NAV3: variants seen among roughly 807,000 people sequenced by gnomAD.
NAV3 encodes pore membrane and/or filament interacting like protein 1.
In NAV3, 87 loss-of-function variants were observed where a neutral mutation model predicts 244.7. The observed-to-expected ratio is 0.36, with a 90% confidence interval of 0.30 to 0.42. The LOEUF (loss-of-function observed/expected upper bound fraction) is 0.42, where lower values mean the gene tolerates loss of function less well. Ranked by LOEUF, NAV3 falls within the 20% of genes least tolerant of loss-of-function variation. The pLI, the probability that NAV3 is intolerant of heterozygous loss-of-function variation, is 1.00. For synonymous variants in NAV3, 1,126 were observed against 1,042.2 expected (o/e 1.08, Z -1.55); for missense variants, 2,663 against 2,893.3 (o/e 0.92, Z 1.83).
intron 2 of NAV3, among the ~76,000 whole-genome samples, chr12:77,742,025 A>T (rs11106497): frequency 0.4 from 60,055 of 151,866 alleles, 13,697 homozygotes; most frequent in East Asian, 0.8. Context: ...GATTATTAGC[A>T]TTTTCTTTAA....
chr12:77,657,988 C>CATACTGACAAACCAATATCA (rs2137020824), intron 2 of NAV3, among the ~76,000 whole-genome samples: 2 of 152,174 alleles, frequency 1.3e-5, no homozygotes, highest in African/African-American at 4.8e-5. Flanking sequence ...ATGACAAACC[C>CATACTGACAAACCAATATCA]ACAGCCAATA....
chr12:78,078,208 C>A (rs1953151037), intron 12 of NAV3, among the ~76,000 whole-genome samples: 1 of 152,168 alleles, frequency 6.6e-6, no homozygotes, highest in South Asian at 2.1e-4. Context: ...GACCCTATCT[C>A]CAAGTAAGGT....
chr12:77,833,065 C>T (rs1384179178), intron 1 of NAV3, among the ~76,000 whole-genome samples: 3 of 152,194 alleles, frequency 2.0e-5, no homozygotes, highest in Non-Finnish European at 4.4e-5. Flanking sequence ...ATCCCAGATC[C>T]AACTTTATTC....
At chr12:77,871,470 A>G (rs762161139) in intron 1 of NAV3, among the ~76,000 whole-genome samples, 14 of 152,034 alleles carry the variant, frequency 9.2e-5, no homozygotes, top group Non-Finnish European at 1.6e-4. Flanking sequence ...CAGGTGTGCA[A>G]TGTTCCCCTC....
chr12:78,011,384 A>G (rs1206227878), intron 8 of NAV3, among the ~76,000 whole-genome samples: 2 of 152,166 alleles, frequency 1.3e-5, no homozygotes, highest in Non-Finnish European at 2.9e-5. Context: ...TAGTAAGAAC[A>G]ATATCATCAA....
chr12:77,727,428 CA>C (rs998796376), intron 2 of NAV3, among the ~76,000 whole-genome samples: 13 of 148,356 alleles, frequency 8.8e-5, no homozygotes, highest in African/African-American at 3.4e-4. Flanking sequence ...TTAAGAGGAA[CA>C]ATTTTTTTTT....
intron 39 of NAV3, among the ~76,000 whole-genome samples, chr12:78,206,534 A>G (rs1249713123): frequency 1.3e-5 from 2 of 151,992 alleles, no homozygotes; most frequent in African/African-American, 2.4e-5. Context: ...AGAGTATGAA[A>G]CCCTTAGGAA....
At chr12:77,741,148 C>CAAA in intron 2 of NAV3, among the ~76,000 whole-genome samples, 869 of 68,612 alleles carry the variant, frequency 0.013, 32 homozygotes, top group East Asian at 0.046. Context: ...AAAAAAAAGA[C>CAAA]AAAAAAAAAA....
intron 1 of NAV3, among the ~76,000 whole-genome samples, chr12:77,869,057 A>G (rs568750929): frequency 1.3e-5 from 2 of 152,026 alleles, no homozygotes; most frequent in Non-Finnish European, 2.9e-5. Context: ...AAACAAACAA[A>G]CAAACAAACA....
chr12:77,664,934 A>G (rs1310135998), intron 2 of NAV3, among the ~76,000 whole-genome samples: 2 of 152,188 alleles, frequency 1.3e-5, no homozygotes, highest in East Asian at 3.9e-4. Flanking sequence ...TCTAAGAGAC[A>G]AGGTCTTGTG....
intron 6 of NAV3, 92 bp from the exon 7 acceptor site, chr12:77,998,245 C>T: frequency 1.1e-6 from 1 of 904,970 alleles, no homozygotes; most frequent in Non-Finnish European, 1.6e-6. Flanking sequence ...TTTAGAACAT[C>T]ATATGTTGTA....
At chr12:77,716,384 A>G (rs1876362546) in intron 2 of NAV3, among the ~76,000 whole-genome samples, 1 of 151,886 alleles carries the variant, frequency 6.6e-6, no homozygotes, top group Non-Finnish European at 1.5e-5. Context: ...AGAAACTCAC[A>G]GAGTTTTAAG....
chr12:77,795,323 C>G (rs1280387870), intron 2 of NAV3, among the ~76,000 whole-genome samples: 1 of 151,998 alleles, frequency 6.6e-6, no homozygotes, highest in Non-Finnish European at 1.5e-5. Flanking sequence ...TGTAACAAGG[C>G]TGAAAAAGGT....
chr12:78,148,250 G>A (rs1007198909), intron 21 of NAV3, among the ~76,000 whole-genome samples: 1 of 151,918 alleles, frequency 6.6e-6, no homozygotes, highest in African/African-American at 2.4e-5. Context: ...ATACAGATTT[G>A]GGAAGGCTTC....
intron 1 of NAV3, among the ~76,000 whole-genome samples, chr12:77,919,639 C>T (rs1296009188): frequency 1.3e-5 from 2 of 152,002 alleles, no homozygotes; most frequent in Admixed American, 6.6e-5. Context: ...TACCTAGCAA[C>T]CATTGAAGGA....
intron 12 of NAV3, among the ~76,000 whole-genome samples, chr12:78,112,614 G>C (rs1257237198): frequency 1.3e-5 from 2 of 152,084 alleles, no homozygotes; most frequent in African/African-American, 4.8e-5. Flanking sequence ...AACACAATTA[G>C]AGTAACTGCC....
chr12:77,651,353 T>C (rs141347947), intron 2 of NAV3, among the ~76,000 whole-genome samples: 2,180 of 152,276 alleles, frequency 0.014, 62 homozygotes, highest in African/African-American at 0.049. Context: ...TTCTGACTGA[T>C]CTATTCTTGT....
At chr12:77,696,894 T>C (rs1328427074) in intron 2 of NAV3, among the ~76,000 whole-genome samples, 6 of 152,162 alleles carry the variant, frequency 3.9e-5, no homozygotes, top group Non-Finnish European at 8.8e-5. Flanking sequence ...ACTAATTATT[T>C]CCATCTACTG....
intron 34 of NAV3, among the ~76,000 whole-genome samples, chr12:78,194,663 G>A (rs1381820159): frequency 6.6e-6 from 1 of 152,044 alleles, no homozygotes; most frequent in Non-Finnish European, 1.5e-5. Context: ...CTGCCAAAAG[G>A]AGATGTCCAG....
Sources: allele counts gnomAD v4.1 joint callset (sites outside exome capture counted in the v4.1 genomes callset), GRCh38; gene constraint gnomAD v4.1.1; transcripts MANE v1.5; gene names NCBI Gene and HGNC (gene_info 2026-07-23, HGNC 2026-07-21).